Variants in CLASP1 observed in about 807,000 individuals in gnomAD.
CLASP1 encodes cytoplasmic linker associated protein 1.
CLASP1 carries 38 observed loss-of-function variants against 192.3 expected under a neutral mutation model. The observed-to-expected ratio is 0.20, with a 90% CI of 0.15 to 0.26. The LOEUF is 0.26. Among genes scored for constraint, CLASP1 ranks in the 10% least tolerant of loss-of-function variants. The pLI, the probability that CLASP1 is intolerant of heterozygous loss-of-function variation, is 1.00. For missense variants in CLASP1, 1,433 were observed against 1,932.5 expected, an observed-to-expected ratio of 0.74 and a Z score of 4.85; for synonymous variants, 691 against 712.8, an observed-to-expected ratio of 0.97 and a Z score of 0.49.
chr2:121,356,078 G>A (rs1186044736), intron 37 of CLASP1, among the ~76,000 whole-genome samples: 1 of 151,956 alleles, frequency 6.6e-6, no homozygotes, highest in Non-Finnish European at 1.5e-5. Context: ...TGGATTGCAT[G>A]TTTTTTAGGT....
rs1575172544 is a variant in CLASP1, at chr2:121,470,370, G to C, written c.713-410C>G. The C allele has an allele frequency of 6.6e-6, 3 of 454,114 alleles. No homozygotes were observed. In the East Asian group the frequency reaches 1.8e-4, roughly 27 times the overall value. 28.1% of individuals were successfully genotyped at this position (454,114 alleles called of 1,614,324 possible). A position where few individuals can be genotyped will look rare whatever the true frequency, so the allele number is the denominator to read the frequency against. On this transcript the variant is annotated intron_variant, in intron 8 of 39. Transcript: ENST00000263710. The stretch of plus-strand genomic sequence containing the variant: ...AATCCTCCCTCCTTGGCCTCTCAAG[G>C]TGCTAGGATGACAGGCATGAGCCAC...
At chr2:121,407,427 A>C in intron 25 of CLASP1, 44 bp downstream of exon 26, 1 of 1,608,750 alleles carries the variant, frequency 6.2e-7, no homozygotes, top group Non-Finnish European at 8.5e-7. Context: ...GAAGAGTCCA[A>C]CAGGAGATTC....
intron 26 of CLASP1, chr2:121,402,687 T>C (rs1372609890): frequency 1.9e-6 from 1 of 518,470 alleles, no homozygotes; most frequent in African/African-American, 1.9e-5. Flanking sequence ...GTAACAGAAA[T>C]TTATCAGTGT....
At chr2:121,597,966 A>T (rs1456328572) in intron 2 of CLASP1, among the ~76,000 whole-genome samples, 1 of 152,382 alleles carries the variant, frequency 6.6e-6, no homozygotes, top group Middle Eastern at 3.4e-3. Context: ...GGGAAGAAGG[A>T]AGAACAGAAG....
intron 6 of CLASP1, among the ~76,000 whole-genome samples, chr2:121,517,263 T>A (rs1250606813): frequency 6.6e-6 from 1 of 152,194 alleles, no homozygotes; most frequent in African/African-American, 2.4e-5. Context: ...GGGGAGACTG[T>A]GCTTAATTCA....
At chr2:121,464,816 T>C (rs1575116337) in intron 9 of CLASP1, among the ~76,000 whole-genome samples, 1 of 152,184 alleles carries the variant, frequency 6.6e-6, no homozygotes, top group African/African-American at 2.4e-5. Context: ...ACGCTGATGG[T>C]AGTTTCTTTT....
chr2:121,493,744 A>G (rs2093417368), intron 8 of CLASP1, among the ~76,000 whole-genome samples: 1 of 139,404 alleles, frequency 7.2e-6, no homozygotes, highest in Non-Finnish European at 1.5e-5. Flanking sequence ...ACAACTCAAT[A>G]GAAAAAAAAA....
chr2:121,354,061 G>GA (rs2064978804), intron 37 of CLASP1, among the ~76,000 whole-genome samples: 1 of 152,198 alleles, frequency 6.6e-6, no homozygotes, highest in Non-Finnish European at 1.5e-5. Flanking sequence ...TTACAAGCAT[G>GA]AACCACTACA....
At chr2:121,556,340 C>T (rs947563097) in intron 2 of CLASP1, among the ~76,000 whole-genome samples, 3 of 152,074 alleles carry the variant, frequency 2.0e-5, no homozygotes, top group Non-Finnish European at 4.4e-5. Flanking sequence ...CTCTTCAACA[C>T]CATCCAAGGG....
At chr2:121,407,423 T>C in intron 25 of CLASP1, 48 bp downstream of exon 26, 1 of 1,605,832 alleles carries the variant, frequency 6.2e-7, no homozygotes. Context: ...CCCTGAAGAG[T>C]CCAACAGGAG....
chr2:121,348,847 T>C, intron 37 of CLASP1, 129 bp from the exon 39 acceptor site: 1 of 831,524 alleles, frequency 1.2e-6, no homozygotes, highest in South Asian at 1.8e-5. Context: ...TTGCTTCGCC[T>C]GGCTCAATTG....
intron 6 of CLASP1, among the ~76,000 whole-genome samples, chr2:121,521,073 G>T (rs566926672): frequency 3.9e-5 from 6 of 152,294 alleles, no homozygotes; most frequent in African/African-American, 1.4e-4. Context: ...CTGATGATAG[G>T]AGAGAACTGC....
intron 19 of CLASP1, among the ~76,000 whole-genome samples, chr2:121,442,575 G>A (rs910918663): frequency 6.6e-6 from 1 of 151,674 alleles, no homozygotes; most frequent in Non-Finnish European, 1.5e-5. Context: ...CGCCTCCTGG[G>A]TTCAAGCAAT....
intron 14 of CLASP1, among the ~76,000 whole-genome samples, chr2:121,453,040 A>G (rs2085849723): frequency 6.6e-6 from 1 of 152,230 alleles, no homozygotes; most frequent in African/African-American, 2.4e-5. Flanking sequence ...TAATCCCAGC[A>G]CTTTGGGAGG....
At chr2:121,436,924 T>G (rs567714338) in intron 19 of CLASP1, among the ~76,000 whole-genome samples, 1 of 152,348 alleles carries the variant, frequency 6.6e-6, no homozygotes, top group African/African-American at 2.4e-5. Context: ...AGTTCTCTCT[T>G]CAGTTACATT....
rs913955964 is a variant in CLASP1 at position 121,531,186 on chromosome 2, T to C, written c.196-861A>G. Among the ~76,000 whole-genome samples, 5 of 152,248 alleles carry C rather than the reference T, an allele frequency of 3.3e-5. No homozygotes were observed. In the South Asian group the frequency reaches 6.2e-4, roughly 19 times the overall value. ...AGGATTTCAACAGAACTTCACCCCT[T>C]TAACTTTACGCCGATCATCAACTGT... is the stretch of plus-strand genomic sequence containing the variant. On this transcript the variant is annotated intron_variant, in intron 2 of 39. Transcript: ENST00000263710.
At chr2:121,646,771 C>T (rs1040731189) in intron 1 of CLASP1, among the ~76,000 whole-genome samples, 1 of 152,150 alleles carries the variant, frequency 6.6e-6, no homozygotes, top group Non-Finnish European at 1.5e-5. Context: ...GGCGTGGTGG[C>T]TCACGCCTGT....
In CLASP1 at chr2:121,460,997, G is replaced by A; in HGVS notation, c.1032+104C>T. On this transcript the variant is annotated intron_variant, in intron 11 of 39. Transcript: ENST00000263710. ...ATATGATAATTTGAACTTAAAATAT[G>A]TACTATTTAGAATTCATTAGAGCTG... The A allele has an allele frequency of 1.9e-5, 13 of 690,124 alleles. No individual in the cohort carries two copies. The South Asian group carries it at 2.2e-4, about 12-fold the overall frequency. The allele number at this position is 690,124 out of a possible 1,614,324, so 42.8% of individuals were successfully genotyped here.
chr2:121,624,412 C>T (rs1206215530), intron 1 of CLASP1, among the ~76,000 whole-genome samples: 1 of 151,736 alleles, frequency 6.6e-6, no homozygotes, highest in Non-Finnish European at 1.5e-5. Flanking sequence ...TTTTTTTCTT[C>T]TTCTTCTTGT....
Sources: gnomAD v4.1 joint callset for allele counts (sites outside exome capture counted in the v4.1 genomes callset) on GRCh38, gnomAD v4.1.1 for gene constraint, MANE v1.5 for transcripts, NCBI Gene and HGNC (gene_info 2026-07-23, HGNC 2026-07-21) for gene names.